Variants in TTC6 observed in about 807,000 individuals in gnomAD.
TTC6 encodes tetratricopeptide repeat domain 6, also known as tetratricopeptide repeat protein 6.
TTC6 carries 172 observed loss-of-function variants against 210.4 expected under a neutral mutation model. That is an observed-to-expected ratio of 0.82 (90% confidence interval 0.72 to 0.93). The LOEUF is 0.93. Among genes scored for constraint, TTC6 ranks in the 40% least tolerant of loss-of-function variants. The pLI is 0.00. For missense variants in TTC6, 2,414 were observed against 2,318.1 expected, an observed-to-expected ratio of 1.04 and a Z score of -0.85; for synonymous variants, 804 against 819.6, an observed-to-expected ratio of 0.98 and a Z score of 0.32.
At chr14:37,724,871 TA>T in intron 6 of TTC6, 26 bp from the exon 9 acceptor site, 1 of 1,342,150 alleles carries the variant, frequency 7.5e-7, no homozygotes, top group Non-Finnish European at 1.0e-6. Flanking sequence ...TTACCATTTC[TA>T]ATAACCTTTT....
intron 17 of TTC6, among the ~76,000 whole-genome samples, chr14:37,793,558 T>A (rs1004515537): frequency 4.6e-5 from 7 of 152,126 alleles, no homozygotes; most frequent in Non-Finnish European, 1.0e-4. Context: ...GCAGGTTCAA[T>A]GTTGCCACTA....
chr14:37,837,305 A>C (rs2096200038), intron 29 of TTC6: 1 of 413,968 alleles, frequency 2.4e-6, no homozygotes, highest in African/African-American at 2.1e-5. Flanking sequence ...ATTAAAATGA[A>C]GTCTAAATTA....
intron 1 of TTC6, among the ~76,000 whole-genome samples, chr14:37,646,179 G>T (rs2095701295): frequency 6.6e-6 from 1 of 152,188 alleles, no homozygotes; most frequent in Non-Finnish European, 1.5e-5. Flanking sequence ...TACAGGATGA[G>T]AAAATGGTAA....
In TTC6 at chr14:37,806,219, T is replaced by C. The variant is rs183455897; in HGVS notation, c.4165-142T>C. 5.9e-4 allele frequency: 485 copies of C among 820,450 alleles called. No homozygotes were observed. The African/African-American group carries it at 7.2e-3, about 12-fold the overall frequency. The allele number at this position is 820,450 out of a possible 1,614,324, so 50.8% of individuals were successfully genotyped here. Reference sequence around the variant, plus strand: ...TATTAGTTTTGTTTGTTCCATGAGGTCCATTAGGAGAAATGTATTTAAAAT... The same window carrying C: ...TATTAGTTTTGTTTGTTCCATGAGGCCCATTAGGAGAAATGTATTTAAAAT... On this transcript the variant is annotated intron_variant, in intron 21 of 30. Coordinates refer to ENST00000553443, the Ensembl canonical transcript of TTC6.
intron 17 of TTC6, among the ~76,000 whole-genome samples, chr14:37,794,235 A>G (rs893882904): frequency 2.0e-5 from 3 of 152,226 alleles, no homozygotes; most frequent in South Asian, 2.1e-4. Context: ...AGCAGCAGGC[A>G]TGAAGTTCCA....
intron 20 of TTC6, among the ~76,000 whole-genome samples, chr14:37,801,558 T>C (rs1032030792): frequency 4.6e-5 from 7 of 152,260 alleles, no homozygotes; most frequent in African/African-American, 1.7e-4. Context: ...TGTTGCAGTA[T>C]ATAAGACCTC....
intron 1 of TTC6, among the ~76,000 whole-genome samples, chr14:37,599,679 G>A (rs946931454): frequency 6.6e-6 from 1 of 152,124 alleles, no homozygotes; most frequent in Non-Finnish European, 1.5e-5. Context: ...GGAGAGCATC[G>A]CCTTGCCAAA....
intron 24 of TTC6, among the ~76,000 whole-genome samples, chr14:37,809,704 G>T (rs990577377): frequency 1.3e-5 from 2 of 152,126 alleles, no homozygotes; most frequent in African/African-American, 2.4e-5. Flanking sequence ...TTGAAGGCCT[G>T]TGGGCTGCAG....
intron 10 of TTC6, among the ~76,000 whole-genome samples, chr14:37,742,985 T>G (rs1217023222): frequency 6.6e-6 from 1 of 152,214 alleles, no homozygotes; most frequent in African/African-American, 2.4e-5. Context: ...TCGTCCTTAT[T>G]TTTATATCAA....
intron 20 of TTC6, among the ~76,000 whole-genome samples, chr14:37,803,051 G>A (rs2139397031): frequency 6.6e-6 from 1 of 152,116 alleles, no homozygotes; most frequent in East Asian, 1.9e-4. Context: ...CTTTCTTATT[G>A]CAGATTCTGT....
intron 14 of TTC6, among the ~76,000 whole-genome samples, chr14:37,765,564 C>T (rs1011506840): frequency 6.6e-6 from 1 of 151,984 alleles, no homozygotes; most frequent in African/African-American, 2.4e-5. Flanking sequence ...TCACATAGAA[C>T]AAAAAGAGTA....
chr14:37,737,208 A>T (rs1230618831), intron 8 of TTC6, among the ~76,000 whole-genome samples: 3 of 152,148 alleles, frequency 2.0e-5, no homozygotes, highest in African/African-American at 7.2e-5. Context: ...AAGTGGTAAC[A>T]CTTGCGTGGT....
chr14:37,790,889 A>G (rs1413194549), intron 16 of TTC6, 52 bp downstream of exon 18: 1 of 1,450,460 alleles, frequency 6.9e-7, no homozygotes, highest in African/African-American at 1.4e-5. Flanking sequence ...AAAATCGAAA[A>G]CCTGAAATGG....
intron 1 of TTC6, among the ~76,000 whole-genome samples, chr14:37,597,722 A>G (rs1468162158): frequency 6.6e-6 from 1 of 152,148 alleles, no homozygotes; most frequent in African/African-American, 2.4e-5. Context: ...GATTTCCACG[A>G]AAACAGCGCC....
At chr14:37,719,371 T>C (rs1259294537) in intron 6 of TTC6, among the ~76,000 whole-genome samples, 1 of 152,012 alleles carries the variant, frequency 6.6e-6, no homozygotes, top group African/African-American at 2.4e-5. Flanking sequence ...AAAGTTTGTA[T>C]GGAAATGCAA....
chr14:37,801,535 G>A (rs1007635678), intron 20 of TTC6, among the ~76,000 whole-genome samples: 4 of 152,068 alleles, frequency 2.6e-5, no homozygotes, highest in Non-Finnish European at 4.4e-5. Context: ...GTGGGGTGTC[G>A]CTCCCTCAAT....
chr14:37,693,135 T>C (rs2095807494), intron 3 of TTC6, among the ~76,000 whole-genome samples: 2 of 152,110 alleles, frequency 1.3e-5, no homozygotes, highest in Non-Finnish European at 1.5e-5. Context: ...TATGATCTTA[T>C]ATCTGGAAAA....
At chr14:37,664,366 A>C (rs2095743637) in intron 1 of TTC6, among the ~76,000 whole-genome samples, 1 of 150,728 alleles carries the variant, frequency 6.6e-6, no homozygotes, top group Admixed American at 6.6e-5. Context: ...CAACCATCAG[A>C]TCTTTGACAA....
chr14:37,635,284 G>A (rs1034253673), intron 1 of TTC6, among the ~76,000 whole-genome samples: 1 of 152,108 alleles, frequency 6.6e-6, no homozygotes, highest in Non-Finnish European at 1.5e-5. Flanking sequence ...CTGGTATCAT[G>A]TACTATCTAC....
Sources: gnomAD v4.1 joint callset for allele counts (sites outside exome capture counted in the v4.1 genomes callset) on GRCh38, gnomAD v4.1.1 for gene constraint, MANE v1.5 for transcripts, NCBI Gene and HGNC (gene_info 2026-07-23, HGNC 2026-07-21) for gene names.